TMEM132D: variants seen among roughly 807,000 people sequenced by gnomAD.
The protein encoded by TMEM132D is transmembrane protein 132D.
Under a neutral mutation model 62.3 loss-of-function variants are expected in TMEM132D, and 21 were observed. That is an observed-to-expected ratio of 0.34 (90% CI 0.24 to 0.49). The LOEUF (loss-of-function observed/expected upper bound fraction) is 0.49, where lower values mean the gene tolerates loss of function less well. Ranked by LOEUF, TMEM132D falls within the 20% of genes least tolerant of loss-of-function variation. The pLI is 0.99. For synonymous variants in TMEM132D, 621 were observed against 575.6 expected (o/e 1.08, Z -1.13); for missense variants, 1,346 against 1,402.8 (o/e 0.96, Z 0.65).
chr12:129,886,945 T>C (rs914168439), intron 1 of TMEM132D, among the ~76,000 whole-genome samples: 2 of 152,160 alleles, frequency 1.3e-5, no homozygotes, highest in African/African-American at 4.8e-5. Flanking sequence ...CCTTCCACCA[T>C]GATTGTAAGT....
chr12:129,523,250 T>C (rs1236890091), intron 3 of TMEM132D, among the ~76,000 whole-genome samples: 1 of 152,218 alleles, frequency 6.6e-6, no homozygotes, highest in Non-Finnish European at 1.5e-5. Flanking sequence ...CAGGTGTTTT[T>C]GGTAGTTCCA....
At chr12:129,473,318 G>GTTTTTTTTTTTTTTTTTTTTTT (rs1441231858) in intron 3 of TMEM132D, among the ~76,000 whole-genome samples, 1 of 57,760 alleles carries the variant, frequency 1.7e-5, no homozygotes. Flanking sequence ...AGTGATTTTA[G>GTTTTTTTTTTTTTTTTTTTTTT]TTTTTGTTTT....
chr12:129,689,132 C>A (rs1175609918), intron 2 of TMEM132D, among the ~76,000 whole-genome samples: 3 of 152,136 alleles, frequency 2.0e-5, no homozygotes, highest in African/African-American at 7.2e-5. Flanking sequence ...GGTTGAGAAA[C>A]CTATTCTACT....
At chr12:129,636,057 T>G (rs911147888) in intron 2 of TMEM132D, among the ~76,000 whole-genome samples, 1 of 152,230 alleles carries the variant, frequency 6.6e-6, no homozygotes, top group African/African-American at 2.4e-5. Flanking sequence ...GTGTCTGGGT[T>G]AAAATAAGTA....
intron 1 of TMEM132D, among the ~76,000 whole-genome samples, chr12:129,840,774 C>T (rs1873167175): frequency 6.6e-6 from 1 of 152,238 alleles, no homozygotes; most frequent in African/African-American, 2.4e-5. Flanking sequence ...CACCTCAGTT[C>T]CTCATCCTCA....
chr12:129,102,335 C>A (rs1875337392), intron 5 of TMEM132D, among the ~76,000 whole-genome samples: 1 of 151,404 alleles, frequency 6.6e-6, no homozygotes, highest in Non-Finnish European at 1.5e-5. Context: ...CTTACACATG[C>A]ACACACATGC....
At chr12:129,181,699 G>A (rs1157917614) in intron 5 of TMEM132D, among the ~76,000 whole-genome samples, 1 of 152,116 alleles carries the variant, frequency 6.6e-6, no homozygotes, top group African/African-American at 2.4e-5. Flanking sequence ...CCTTGTGAAA[G>A]CTGTTTCCTC....
chr12:129,238,966 C>T (rs1879859061), intron 4 of TMEM132D, among the ~76,000 whole-genome samples: 1 of 151,318 alleles, frequency 6.6e-6, no homozygotes. Flanking sequence ...TTCAGTCTCT[C>T]CTCATCCTCA....
intron 4 of TMEM132D, among the ~76,000 whole-genome samples, chr12:129,256,254 G>C (rs910531489): frequency 6.6e-6 from 1 of 152,020 alleles, no homozygotes. Flanking sequence ...TTGTTAGTTT[G>C]CTCACCATCT....
intron 2 of TMEM132D, among the ~76,000 whole-genome samples, chr12:129,687,331 A>G (rs12309800): frequency 0.028 from 4,258 of 152,192 alleles, 81 homozygotes; most frequent in South Asian, 0.064. Flanking sequence ...CAATTTCCTA[A>G]TCTCTACCAT....
At chr12:129,501,731 C>T (rs1875149667) in intron 3 of TMEM132D, among the ~76,000 whole-genome samples, 1 of 152,026 alleles carries the variant, frequency 6.6e-6, no homozygotes, top group South Asian at 2.1e-4. Flanking sequence ...GTCTTGAACT[C>T]CTGAGCTTAC....
intron 3 of TMEM132D, among the ~76,000 whole-genome samples, chr12:129,410,532 G>A (rs894968924): frequency 6.6e-6 from 1 of 151,468 alleles, no homozygotes; most frequent in African/African-American, 2.4e-5. Flanking sequence ...GCTAATTTTT[G>A]TATTTTTAGT....
chr12:129,837,099 C>T (rs1281623754), intron 1 of TMEM132D, among the ~76,000 whole-genome samples: 1 of 152,212 alleles, frequency 6.6e-6, no homozygotes, highest in African/African-American at 2.4e-5. Context: ...TATGTGACCA[C>T]TGCCACTTAA....
At chr12:129,219,605 C>T (rs1879299907) in intron 4 of TMEM132D, among the ~76,000 whole-genome samples, 1 of 152,170 alleles carries the variant, frequency 6.6e-6, no homozygotes, top group African/African-American at 2.4e-5. Flanking sequence ...ATGTGACTTA[C>T]TTTTTGAAAA....
At chr12:129,683,230 T>A (rs1565947827) in intron 2 of TMEM132D, among the ~76,000 whole-genome samples, 1 of 152,214 alleles carries the variant, frequency 6.6e-6, no homozygotes. Context: ...TGGGGCTGCA[T>A]GTTAGAAAGG....
chr12:129,156,481 G>A (rs564572953), intron 5 of TMEM132D, among the ~76,000 whole-genome samples: 100 of 151,862 alleles, frequency 6.6e-4, no homozygotes, highest in Non-Finnish European at 1.1e-3. Context: ...TCCTGAGATA[G>A]CTAGTTCACT....
At chr12:129,228,516 T>C (rs1008032612) in intron 4 of TMEM132D, among the ~76,000 whole-genome samples, 7 of 152,120 alleles carry the variant, frequency 4.6e-5, no homozygotes, top group African/African-American at 1.7e-4. Flanking sequence ...TCCCCACCCC[T>C]CACTACCACC....
At chr12:129,645,977 T>G (rs1317795881) in intron 2 of TMEM132D, among the ~76,000 whole-genome samples, 1 of 152,204 alleles carries the variant, frequency 6.6e-6, no homozygotes, top group African/African-American at 2.4e-5. Context: ...TTCCACCATT[T>G]GTTGAGCATA....
At chr12:129,078,420 G>T in intron 8 of TMEM132D, 114 bp downstream of exon 8, 4 of 1,055,116 alleles carry the variant, frequency 3.8e-6, no homozygotes, top group Admixed American at 4.6e-5. Context: ...AGAAACAAAC[G>T]CCCGATATAT....
Sources: gnomAD v4.1 joint callset for allele counts (sites outside exome capture counted in the v4.1 genomes callset) on GRCh38, gnomAD v4.1.1 for gene constraint, MANE v1.5 for transcripts, NCBI Gene and HGNC (gene_info 2026-07-23, HGNC 2026-07-21) for gene names.